OPCML: variants seen among roughly 807,000 people sequenced by gnomAD.
The protein encoded by OPCML is opioid-binding protein/cell adhesion molecule.
A neutral mutation model predicts 37.8 loss-of-function variants in OPCML; 13 were observed. The observed-to-expected ratio is 0.34, with a 90% CI of 0.22 to 0.55. The LOEUF (loss-of-function observed/expected upper bound fraction) is 0.55, where lower values mean the gene tolerates loss of function less well. OPCML is among the 20% of genes least tolerant of loss of function. The pLI is 0.91. For missense variants in OPCML, 341 were observed against 435.6 expected (o/e 0.78, Z 1.93); for synonymous variants, 176 against 168.8 (o/e 1.04, Z -0.33).
At chr11:132,962,036 T>A (rs1429704152) in intron 1 of OPCML, among the ~76,000 whole-genome samples, 1 of 152,232 alleles carries the variant, frequency 6.6e-6, no homozygotes, top group Non-Finnish European at 1.5e-5. Context: ...ACACTTTCTC[T>A]TTGCTACTGC....
chr11:132,675,901 A>G (rs1414148322), intron 2 of OPCML, among the ~76,000 whole-genome samples: 3 of 152,134 alleles, frequency 2.0e-5, no homozygotes, highest in Non-Finnish European at 2.9e-5. Flanking sequence ...AGTCTTTATC[A>G]ACATTTCAGC....
intron 4 of OPCML, among the ~76,000 whole-genome samples, chr11:132,472,683 T>G (rs1418318719): frequency 6.6e-6 from 1 of 152,178 alleles, no homozygotes; most frequent in African/African-American, 2.4e-5. Context: ...GAGGTGAGCT[T>G]CCAGCAGCAG....
intron 4 of OPCML, among the ~76,000 whole-genome samples, chr11:132,449,848 G>A (rs1399752183): frequency 6.6e-6 from 1 of 152,194 alleles, no homozygotes; most frequent in African/African-American, 2.4e-5. Context: ...CTCAGCCACT[G>A]CTCTTTCCTG....
At chr11:132,937,917 G>A (rs1015421230) in intron 2 of OPCML, among the ~76,000 whole-genome samples, 1 of 151,556 alleles carries the variant, frequency 6.6e-6, no homozygotes, top group Admixed American at 6.6e-5. Flanking sequence ...TTGACCTCAG[G>A]GATAGTGAAG....
intron 1 of OPCML, among the ~76,000 whole-genome samples, chr11:132,991,012 T>G (rs1946764194): frequency 2.0e-5 from 3 of 152,220 alleles, no homozygotes. Context: ...GAGCAGATAA[T>G]GCAGACAAAT....
intron 1 of OPCML, among the ~76,000 whole-genome samples, chr11:133,351,120 G>A (rs2136692178): frequency 6.6e-6 from 1 of 152,302 alleles, no homozygotes; most frequent in Non-Finnish European, 1.5e-5. Context: ...CACAAAATTG[G>A]CTTTCCCGCG....
At chr11:133,291,424 C>T (rs1049494121) in intron 1 of OPCML, among the ~76,000 whole-genome samples, 5 of 152,168 alleles carry the variant, frequency 3.3e-5, no homozygotes, top group African/African-American at 1.2e-4. Context: ...AGGAAATCTA[C>T]ACCCTGGCCC....
intron 1 of OPCML, among the ~76,000 whole-genome samples, chr11:133,199,671 A>G (rs1938685903): frequency 6.6e-6 from 1 of 152,200 alleles, no homozygotes; most frequent in Non-Finnish European, 1.5e-5. Context: ...GCTCTGAATT[A>G]TAGATGTGAT....
intron 1 of OPCML, chr11:133,005,820 G>A: frequency 1.0e-6 from 1 of 985,262 alleles, no homozygotes; most frequent in Non-Finnish European, 1.2e-6. Context: ...CTGGCCCTGG[G>A]GGAAAGAGGC....
At chr11:133,019,981 C>G (rs1947419608) in intron 1 of OPCML, among the ~76,000 whole-genome samples, 1 of 152,254 alleles carries the variant, frequency 6.6e-6, no homozygotes, top group Non-Finnish European at 1.5e-5. Flanking sequence ...TAAAATTCCA[C>G]TGCTGCTAAT....
intron 1 of OPCML, among the ~76,000 whole-genome samples, chr11:133,079,760 A>G (rs1230608447): frequency 6.6e-6 from 1 of 151,966 alleles, no homozygotes; most frequent in East Asian, 1.9e-4. Flanking sequence ...GCCTGTTGTA[A>G]GGTGAGAGGA....
chr11:132,679,123 A>G (rs1457101583), intron 2 of OPCML, among the ~76,000 whole-genome samples: 1 of 152,226 alleles, frequency 6.6e-6, no homozygotes, highest in African/African-American at 2.4e-5. Context: ...GGATGTGAAG[A>G]GATGGGAATC....
At chr11:133,348,139 C>T (rs1481000580) in intron 1 of OPCML, among the ~76,000 whole-genome samples, 4 of 152,174 alleles carry the variant, frequency 2.6e-5, no homozygotes, top group East Asian at 1.9e-4. Flanking sequence ...TCTTTGATTA[C>T]TCACTGTGAC....
Position 133,356,508 on chromosome 11 carries a change from C to T in OPCML, c.61+175756G>A, listed in dbSNP as rs1944294233. On this transcript the variant is annotated intron_variant, in intron 1 of 7. Coordinates refer to ENST00000524381, the MANE Select transcript of OPCML (RefSeq NM_001012393.5). The stretch of plus-strand genomic sequence containing the variant: ...TAGGAGCCAGAGGGTTGTCAGGCGC[C>T]TTGTCACCATGTGGACAGAGGATCC... Among the ~76,000 whole-genome samples, 2 of 152,198 alleles carry T rather than the reference C, an allele frequency of 1.3e-5. 1 individual carries two copies. Among genetic ancestry groups the T allele is most frequent in the African/African-American group, 4.8e-5 (2 of 41,456 alleles).
Position 132,975,536 on chromosome 11 carries a change from A to G in OPCML, c.62-32526T>C, listed in dbSNP as rs1287681866. 2.6e-4 allele frequency among the ~76,000 whole-genome samples: 5 copies of G among 19,472 alleles called. No homozygotes were observed. The East Asian group carries it at 0.014, about 54-fold the overall frequency. 12.8% of individuals were successfully genotyped at this position (19,472 alleles called of 152,430 possible). A position where few individuals can be genotyped will look rare whatever the true frequency, so the allele number is the denominator to read the frequency against. ...TCCCATCCAGGTTTCAAGCAAAAAAAAAAAAAAAAAAAAAAAAAAAAAAAA... is the reference window on the plus strand; with the variant it reads ...TCCCATCCAGGTTTCAAGCAAAAAAGAAAAAAAAAAAAAAAAAAAAAAAAA... On this transcript the variant is annotated intron_variant, in intron 1 of 7. Transcript: ENST00000524381.
chr11:133,500,632 G>A, intron 1 of OPCML, among the ~76,000 whole-genome samples: 1 of 152,190 alleles, frequency 6.6e-6, no homozygotes, highest in East Asian at 1.9e-4. Context: ...CCACTAGCCA[G>A]CTCCCATGGC....
intron 2 of OPCML, among the ~76,000 whole-genome samples, chr11:132,785,383 TGC>T (rs1947174284): frequency 6.6e-6 from 1 of 152,242 alleles, no homozygotes; most frequent in Admixed American, 6.5e-5. Flanking sequence ...ACCAGCAGAT[TGC>T]TTCTGCATCC....
At chr11:132,803,349 A>G (rs746541042) in intron 2 of OPCML, among the ~76,000 whole-genome samples, 3 of 152,224 alleles carry the variant, frequency 2.0e-5, no homozygotes, top group Non-Finnish European at 2.9e-5. Flanking sequence ...AAAGCTTTCA[A>G]TTTTAAACGA....
At chr11:133,231,865 G>A (rs1022488739) in intron 1 of OPCML, among the ~76,000 whole-genome samples, 5 of 152,186 alleles carry the variant, frequency 3.3e-5, no homozygotes, top group African/African-American at 1.2e-4. Context: ...AAAGTAAGGA[G>A]AGGGGAGGGA....
Sources: allele counts gnomAD v4.1 joint callset (sites outside exome capture counted in the v4.1 genomes callset), GRCh38; gene constraint gnomAD v4.1.1; transcripts MANE v1.5; gene names NCBI Gene and HGNC (gene_info 2026-07-23, HGNC 2026-07-21).